Variants in CLEC2D observed in about 807,000 individuals in gnomAD.
CLEC2D encodes the protein C-type lectin domain family 2 member D.
In CLEC2D, 16 loss-of-function variants were observed where a neutral mutation model predicts 20.0. The ratio of observed to expected loss-of-function variants is 0.80; its 90% CI spans 0.54 to 1.22. The LOEUF is 1.22. Among genes scored for constraint, CLEC2D ranks in the 50% most tolerant of loss-of-function variants. The probability of loss-of-function intolerance (pLI) is 0.00; values close to 1 mark genes in which losing one functional copy is unlikely to be tolerated. For synonymous variants in CLEC2D, 77 were observed against 71.1 expected (o/e 1.08, Z -0.42); for missense variants, 207 against 221.5 (o/e 0.93, Z 0.42).
chr12:9,690,768 G>T (rs55715780), intron 3 of CLEC2D, among the ~76,000 whole-genome samples: 32,880 of 151,300 alleles, frequency 0.22, 4,707 homozygotes, highest in African/African-American at 0.41. Flanking sequence ...ATGCAGAAAA[G>T]GAAAAAAGAA....
At chr12:9,683,101 T>G (rs1432893213) in intron 2 of CLEC2D, among the ~76,000 whole-genome samples, 1 of 152,230 alleles carries the variant, frequency 6.6e-6, no homozygotes, top group Admixed American at 6.5e-5. Flanking sequence ...TGATCAGTTA[T>G]GATGAGCTTT....
chr12:9,675,500 G>C (rs1397963150), intron 1 of CLEC2D, among the ~76,000 whole-genome samples: 1 of 152,094 alleles, frequency 6.6e-6, no homozygotes, highest in Non-Finnish European at 1.5e-5. Flanking sequence ...AGCCTTATTT[G>C]TCTGTTCTTT....
In CLEC2D at chr12:9,692,931, A is replaced by G. The variant is rs1009101869; in HGVS notation, c.461A>G (p.Gln154Arg). ...ATAAATGGTACTGAATGGACAAGACAGTAAGTTCTAAAAATCTGGCAGTAA... is the reference window on the plus strand; with the variant it reads ...ATAAATGGTACTGAATGGACAAGACGGTAAGTTCTAAAAATCTGGCAGTAA... ...KWINGTEWTRQFPILGAGECA... is the reference protein window; with the variant it reads ...KWINGTEWTRRFPILGAGECA... The change falls in exon 4 of 5, where the codon CAG (glutamine) becomes CGG (arginine). Residue 154 changes from glutamine to arginine, a missense_variant and splice_region_variant. Coordinates refer to ENST00000290855, the MANE Select transcript of CLEC2D (RefSeq NM_013269.6). The G allele has an allele frequency of 1.9e-5, 31 of 1,611,424 alleles. No homozygotes were observed. The highest frequency in any genetic ancestry group is 2.5e-5 in the Non-Finnish European group (29 of 1,177,814).
chr12:9,692,572 T>C (rs1865891429), intron 3 of CLEC2D, among the ~76,000 whole-genome samples: 1 of 152,166 alleles, frequency 6.6e-6, no homozygotes, highest in African/African-American at 2.4e-5. Flanking sequence ...AATAGATAAA[T>C]TGGAGAAGAG....
chr12:9,675,102 A>C lies in CLEC2D; in HGVS notation c.61+5307A>C, dbSNP rs144454608. ...TTGTATTGCTTTGCTTGTTTATGAAAGATCAGTTGACTATATTTATCTGGG... is the reference window on the plus strand; with the variant it reads ...TTGTATTGCTTTGCTTGTTTATGAACGATCAGTTGACTATATTTATCTGGG... On this transcript the variant is annotated intron_variant, in intron 1 of 4. Coordinates refer to ENST00000290855, the MANE Select transcript of CLEC2D (RefSeq NM_013269.6). 6.3e-3 allele frequency among the ~76,000 whole-genome samples: 957 copies of C among 152,036 alleles called. 13 individuals are homozygous for C. Among genetic ancestry groups the C allele is most frequent in the African/African-American group, 0.021 (857 of 41,488 alleles).
intron 3 of CLEC2D, among the ~76,000 whole-genome samples, chr12:9,689,524 A>G (rs770148035): frequency 2.0e-5 from 3 of 152,330 alleles, no homozygotes; most frequent in African/African-American, 4.8e-5. Context: ...AGGCTCAGAT[A>G]TTAAAAATAT....
At chr12:9,691,237 A>T (rs1398654175) in intron 3 of CLEC2D, among the ~76,000 whole-genome samples, 1 of 152,128 alleles carries the variant, frequency 6.6e-6, no homozygotes, top group Non-Finnish European at 1.5e-5. Flanking sequence ...AAATATATGT[A>T]CTTAATAATA....
rs56363104 is a variant in CLEC2D at position 9,675,191 on chromosome 12, C to CTTTTT, written c.61+5410_61+5414dup. Among the ~76,000 whole-genome samples the CTTTTT allele has an allele frequency of 3.0e-3, 391 of 130,194 alleles. 2 individuals carry two copies. Among genetic ancestry groups the CTTTTT allele is most frequent in the Non-Finnish European group, 5.4e-3 (331 of 61,234 alleles). 85.4% of individuals were successfully genotyped at this position (130,194 alleles called of 152,430 possible). On this transcript the variant is annotated intron_variant, in intron 1 of 4. Transcript: ENST00000290855. ...TTTTCATTAATTTATTTGTCTATTCCTTTTTTTTTTTTTTTTTTAAGAGAC... is the reference window on the plus strand; with the variant it reads ...TTTTCATTAATTTATTTGTCTATTCCTTTTTTTTTTTTTTTTTTTTTTTAAGAGAC...
In CLEC2D at chr12:9,695,101, T is replaced by C. The variant is rs921233494; in HGVS notation, c.*227T>C. The C allele has an allele frequency of 3.5e-6, 2 of 573,392 alleles. No homozygotes were observed. Among genetic ancestry groups the C allele is most frequent in the Non-Finnish European group, 6.2e-6 (2 of 321,704 alleles). The allele number at this position is 573,392 out of a possible 1,614,324, so 35.5% of individuals were successfully genotyped here. On this transcript the variant is annotated 3_prime_UTR_variant, in exon 5 of 5. Coordinates refer to ENST00000290855, the MANE Select transcript of CLEC2D (RefSeq NM_013269.6). ...TGCTAATGACATACCCGAGACTGAG[T>C]AATTTATAAATAAAAGAGATTTAAT...
Position 9,688,105 on chromosome 12 carries a change from C to T in CLEC2D, c.357+19C>T. Reference sequence around the variant, plus strand: ...GGAACTGGTAAGAAAATAGTTCTGGCCAGAATCAAAGATTCAGCCCTACAA... The same window carrying T: ...GGAACTGGTAAGAAAATAGTTCTGGTCAGAATCAAAGATTCAGCCCTACAA... On this transcript the variant is annotated intron_variant, in intron 3 of 4. Transcript: ENST00000290855. The T allele has an allele frequency of 1.3e-6, 2 of 1,552,038 alleles. No individual in the cohort carries two copies. Among genetic ancestry groups the T allele is most frequent in the East Asian group, 2.4e-5 (1 of 41,168 alleles).
chr12:9,688,973 A>G (rs965428839), intron 3 of CLEC2D, among the ~76,000 whole-genome samples: 1 of 152,344 alleles, frequency 6.6e-6, no homozygotes, highest in South Asian at 2.1e-4. Context: ...ACTATTTTCC[A>G]TACCCCATTA....
chr12:9,682,575 G>A (rs779885886), intron 2 of CLEC2D, among the ~76,000 whole-genome samples: 4 of 152,248 alleles, frequency 2.6e-5, no homozygotes, highest in South Asian at 4.1e-4. Context: ...GCATCCATGT[G>A]TTCTCATTGT....
In CLEC2D at chr12:9,695,036, T is replaced by C; in HGVS notation, c.*162T>C. 1 of 595,996 alleles carries C rather than the reference T, an allele frequency of 1.7e-6. No individual in the cohort carries two copies. Among genetic ancestry groups the C allele is most frequent in the Admixed American group, 2.9e-5 (1 of 34,540 alleles). 36.9% of individuals were successfully genotyped at this position (595,996 alleles called of 1,614,324 possible). A position where few individuals can be genotyped will look rare whatever the true frequency, so the allele number is the denominator to read the frequency against. ...TACAAATCAAAATCATAGTAAAATA[T>C]TACCTGTTTTCATGGTGCTAATATT... On this transcript the variant is annotated 3_prime_UTR_variant, in exon 5 of 5. Coordinates refer to ENST00000290855, the MANE Select transcript of CLEC2D (RefSeq NM_013269.6).
chr12:9,684,878 A>G (rs1365899530), intron 2 of CLEC2D, among the ~76,000 whole-genome samples: 1 of 152,152 alleles, frequency 6.6e-6, no homozygotes, highest in African/African-American at 2.4e-5. Flanking sequence ...TGGTATCAGG[A>G]TGATGCTGGT....
At chr12:9,675,273 A>G (rs1199287421) in intron 1 of CLEC2D, among the ~76,000 whole-genome samples, 4 of 150,870 alleles carry the variant, frequency 2.7e-5, no homozygotes, top group Non-Finnish European at 4.4e-5. Flanking sequence ...GGCTCACTGC[A>G]AGCTCCGCCT....
chr12:9,693,747 C>T (rs1205267841), intron 4 of CLEC2D: 4 of 413,220 alleles, frequency 9.7e-6, no homozygotes, highest in South Asian at 5.3e-5. Flanking sequence ...ACTTTTATTT[C>T]TTATTTTACA....
chr12:9,698,952 G>T lies in CLEC2D; in HGVS notation c.*4078G>T, dbSNP rs1866064358. 6.6e-6 allele frequency: 1 copy of T among 152,090 alleles called. No homozygotes were observed. The highest frequency in any genetic ancestry group is 2.4e-5 in the African/African-American group (1 of 41,400). The allele number at this position is 152,090 out of a possible 1,614,324, so 9.4% of individuals were successfully genotyped here. A position where few individuals can be genotyped will look rare whatever the true frequency, so the allele number is the denominator to read the frequency against. On this transcript the variant is annotated 3_prime_UTR_variant, in exon 5 of 5. Coordinates refer to ENST00000290855, the MANE Select transcript of CLEC2D (RefSeq NM_013269.6). ...CCAAATAAGAAAACAGTTAATTCTGGTGCCTTCCATGGGTTTTCATTAACT... is the reference window on the plus strand; with the variant it reads ...CCAAATAAGAAAACAGTTAATTCTGTTGCCTTCCATGGGTTTTCATTAACT...
At chr12:9,688,173 C>T (rs1228747691) in intron 3 of CLEC2D, 87 bp downstream of exon 3, 3 of 807,002 alleles carry the variant, frequency 3.7e-6, no homozygotes, top group African/African-American at 2.0e-5. Context: ...TAGGTTTAGA[C>T]ATCTGCTTTT....
chr12:9,695,109 A>C lies in CLEC2D; in HGVS notation c.*235A>C. 2 of 574,206 alleles carry C rather than the reference A, an allele frequency of 3.5e-6. No individual in the cohort carries two copies. Among genetic ancestry groups the C allele is most frequent in the Non-Finnish European group, 6.2e-6 (2 of 322,288 alleles). 35.6% of individuals were successfully genotyped at this position (574,206 alleles called of 1,614,324 possible). ...ACATACCCGAGACTGAGTAATTTATAAATAAAAGAGATTTAATTGACTCAT... is the reference window on the plus strand; with the variant it reads ...ACATACCCGAGACTGAGTAATTTATCAATAAAAGAGATTTAATTGACTCAT... On this transcript the variant is annotated 3_prime_UTR_variant, in exon 5 of 5. Transcript: ENST00000290855.
Sources: allele counts gnomAD v4.1 joint callset (sites outside exome capture counted in the v4.1 genomes callset), GRCh38; gene constraint gnomAD v4.1.1; transcripts MANE v1.5; gene names NCBI Gene and HGNC (gene_info 2026-07-23, HGNC 2026-07-21).